Variants in NFATC3 observed in about 807,000 individuals in gnomAD.
NFATC3 encodes the protein nuclear factor of activated T cells 3.
In NFATC3, 46 loss-of-function variants were observed where a neutral mutation model predicts 98.6. The ratio of observed to expected loss-of-function variants is 0.47; its 90% CI spans 0.37 to 0.60. The LOEUF (loss-of-function observed/expected upper bound fraction) is 0.60, where lower values mean the gene tolerates loss of function less well. Ranked by LOEUF, NFATC3 falls within the 20% of genes least tolerant of loss-of-function variation. NFATC3 has a pLI of 0.00. For missense variants in NFATC3, 1,256 were observed against 1,295.5 expected (o/e 0.97, Z 0.47); for synonymous variants, 512 against 472.2 (o/e 1.08, Z -1.09).
intron 3 of NFATC3, chr16:68,138,495 T>G: frequency 7.9e-7 from 1 of 1,263,694 alleles, no homozygotes; most frequent in Non-Finnish European, 1.0e-6. Flanking sequence ...GCATTTTCTT[T>G]CAAATTGTTG....
At chr16:68,197,985 C>T (rs1244625432) in intron 9 of NFATC3, among the ~76,000 whole-genome samples, 1 of 152,110 alleles carries the variant, frequency 6.6e-6, no homozygotes, top group Non-Finnish European at 1.5e-5. Context: ...AATTCAATGA[C>T]ATTTACTGGA....
chr16:68,222,570 G>A (rs1461043896), intron 9 of NFATC3, among the ~76,000 whole-genome samples: 1 of 152,072 alleles, frequency 6.6e-6, no homozygotes, highest in Non-Finnish European at 1.5e-5. Context: ...CTGCTGTAAC[G>A]CCTGCCTAAA....
rs2042046791 is a variant in NFATC3 at position 68,226,897 on chromosome 16, C to CAAAAAAAAAAATAAAAAAAAAA, written c.*437_*438insTAAAAAAAAAAAAAAAAAAAAA. On this transcript the variant is annotated 3_prime_UTR_variant, in exon 10 of 10. Coordinates refer to ENST00000346183, the MANE Select transcript of NFATC3 (RefSeq NM_173165.3). ...AACTTTTGATAAGACCTTCTAGAAG[C>CAAAAAAAAAAATAAAAAAAAAA]AAAAAAAAAAAAAAAAAAAAAAAAA... 1 of 30,332 alleles carries CAAAAAAAAAAATAAAAAAAAAA rather than the reference C, an allele frequency of 3.3e-5. No homozygotes were observed. The allele number at this position is 30,332 out of a possible 1,614,324, so 1.9% of individuals were successfully genotyped here. A position where few individuals can be genotyped will look rare whatever the true frequency, so the allele number is the denominator to read the frequency against.
At chr16:68,210,933 C>T (rs1449784682) in intron 9 of NFATC3, among the ~76,000 whole-genome samples, 1 of 152,000 alleles carries the variant, frequency 6.6e-6, no homozygotes, top group East Asian at 1.9e-4. Context: ...AAGTGCGCAC[C>T]ACCATGCCCG....
chr16:68,110,933 G>A (rs1339489812), intron 1 of NFATC3, among the ~76,000 whole-genome samples: 1 of 152,182 alleles, frequency 6.6e-6, no homozygotes, highest in Admixed American at 6.5e-5. Flanking sequence ...TTCAGGGGCA[G>A]GTTGTTCAAT....
At chr16:68,221,700 G>GA in intron 9 of NFATC3, 1 of 643,448 alleles carries the variant, frequency 1.6e-6, no homozygotes, top group Non-Finnish European at 1.9e-6. Flanking sequence ...CTACTTTGTG[G>GA]AAAATCTTCT....
At chr16:68,095,327 G>T (rs1230328089) in intron 1 of NFATC3, among the ~76,000 whole-genome samples, 1 of 149,402 alleles carries the variant, frequency 6.7e-6, no homozygotes, top group African/African-American at 2.5e-5. Flanking sequence ...GATTACAGGT[G>T]TGCACCACAT....
At chr16:68,209,165 A>G (rs1196051065) in intron 9 of NFATC3, among the ~76,000 whole-genome samples, 3 of 152,130 alleles carry the variant, frequency 2.0e-5, no homozygotes, top group Non-Finnish European at 4.4e-5. Flanking sequence ...AATTCCTTCT[A>G]TTCTTTGTTT....
rs1021887275 is a variant in NFATC3 at position 68,191,557 on chromosome 16, C to T, written c.2888C>T (p.Pro963Leu). ...CCTAGCTCAGGAACTGCCTCATCAC[C>T]GTCTCCAGCCACCAGAATGCATTCT... Reference protein sequence around the residue: ...QSPSSGTASSPSPATRMHSGQ... With the variant: ...QSPSSGTASSLSPATRMHSGQ... The change falls in exon 9 of 10, where the codon CCG becomes CTG. Residue 963 changes from proline to leucine, a missense_variant. Physicochemically the swap from Pro to Leu is moderately conservative, Grantham distance 98 (BLOSUM62 -3). Around this residue, in one of 3 missense-constraint regions of NFATC3, gnomAD observed 636 missense variants for 617.3 expected, o/e 1.03. Coordinates refer to ENST00000346183, the MANE Select transcript of NFATC3 (RefSeq NM_173165.3). The T allele has an allele frequency of 2.5e-6, 4 of 1,614,134 alleles. No homozygotes were observed. Among genetic ancestry groups the T allele is most frequent in the East Asian group, 2.2e-5 (1 of 44,882 alleles).
chr16:68,122,868 C>G lies in NFATC3; in HGVS notation c.985C>G (p.Gln329Glu). The part of the protein sequence containing the change: ...SGLGPAVFPF[Q>E]YCVETDIPLK... Reference sequence around the variant, plus strand: ...CCTTGGCCCTGCAGTTTTTCCATTTCAGTACTGTGTAGAGACTGACATCCC... The same window carrying G: ...CCTTGGCCCTGCAGTTTTTCCATTTGAGTACTGTGTAGAGACTGACATCCC... The change falls in exon 2 of 10, where the codon CAG becomes GAG. Residue 329 changes from glutamine (Q) to glutamate (E), a missense_variant. Coordinates refer to ENST00000346183, the MANE Select transcript of NFATC3 (RefSeq NM_173165.3). 1 of 1,614,222 alleles carries G rather than the reference C, an allele frequency of 6.2e-7. No homozygotes were observed. Among genetic ancestry groups the G allele is most frequent in the Admixed American group, 1.7e-5 (1 of 60,030 alleles).
chr16:68,221,495 C>A, intron 9 of NFATC3: 1 of 1,270,238 alleles, frequency 7.9e-7, no homozygotes, highest in South Asian at 2.8e-5. Flanking sequence ...TGTTCCAAGT[C>A]CCCAAATTGT....
chr16:68,204,013 C>A (rs548888165), intron 9 of NFATC3, among the ~76,000 whole-genome samples: 9 of 152,222 alleles, frequency 5.9e-5, no homozygotes, highest in Admixed American at 2.6e-4. Flanking sequence ...CATGGTGAAA[C>A]CCCGTCTCTA....
chr16:68,184,248 G>C (rs1337096251), intron 8 of NFATC3, among the ~76,000 whole-genome samples: 1 of 152,048 alleles, frequency 6.6e-6, no homozygotes, highest in Non-Finnish European at 1.5e-5. Flanking sequence ...AAGAATATCA[G>C]GTTTTGGGGA....
Position 68,190,960 on chromosome 16 carries a change from T to G in NFATC3, c.2291T>G (p.Leu764Arg). The G allele has an allele frequency of 6.2e-7, 1 of 1,614,238 alleles. No homozygotes were observed. The highest frequency in any genetic ancestry group is 8.5e-7 in the Non-Finnish European group (1 of 1,180,040). ...GCATCCATGGTGACCTCATCCCATC[T>G]GCCACAGTTGCAGTGTAGAGATGAG... ...TYASMVTSSH[L>R]PQLQCRDESV... Residue 764 changes from leucine to arginine, a missense_variant, in exon 9 of 10, where the codon CTG becomes CGG. By Grantham distance (102) the Leu-to-Arg change is moderately radical. Transcript: ENST00000346183.
chr16:68,126,712 A>C, intron 3 of NFATC3, 102 bp downstream of exon 3: 1 of 1,122,172 alleles, frequency 8.9e-7, no homozygotes, highest in Non-Finnish European at 1.3e-6. Context: ...GCATAAACTC[A>C]AAACTAGAGA....
At chr16:68,214,502 T>G in intron 9 of NFATC3, 1 of 1,348,090 alleles carries the variant, frequency 7.4e-7, no homozygotes, top group Non-Finnish European at 1.1e-6. Context: ...TGGCTGGATT[T>G]GCATGTGCTA....
At chr16:68,183,570 A>T (rs997817586) in intron 8 of NFATC3, among the ~76,000 whole-genome samples, 2 of 152,224 alleles carry the variant, frequency 1.3e-5, no homozygotes, top group African/African-American at 4.8e-5. Flanking sequence ...TTATAAGGAA[A>T]TTAGAAGATG....
At chr16:68,099,818 C>T (rs915080642) in intron 1 of NFATC3, among the ~76,000 whole-genome samples, 5 of 151,752 alleles carry the variant, frequency 3.3e-5, no homozygotes, top group African/African-American at 1.2e-4. Flanking sequence ...TGGGGGAGGG[C>T]AGGGCAGGGG....
rs1223778254 is a variant in NFATC3 at position 68,122,399 on chromosome 16, T to C, written c.516T>C (p.Ser172=). Residue 172 remains serine, a synonymous_variant, in exon 2 of 10, where the codon TCT becomes TCC. Transcript: ENST00000346183. ...CTAGTCCTGCCAGCAGCATCTCTTC[T>C]AGGAGTTGGTTCTCTGATGCATCTT... ...LSPSPASSIS[S]RSWFSDASSC... 1.2e-6 allele frequency: 2 copies of C among 1,614,072 alleles called. No homozygotes were observed. Among genetic ancestry groups the C allele is most frequent in the Non-Finnish European group, 1.7e-6 (2 of 1,180,038 alleles).
Sources: allele counts gnomAD v4.1 joint callset (sites outside exome capture counted in the v4.1 genomes callset), GRCh38; gene constraint gnomAD v4.1.1; regional missense constraint gnomAD v4.1.1; transcripts MANE v1.5; gene names NCBI Gene and HGNC (gene_info 2026-07-23, HGNC 2026-07-21).